The following INTS7 variants were observed in gnomAD, a reference collection of about 807,000 sequenced individuals.
INTS7 encodes integrator complex subunit 7.
In INTS7, 46 loss-of-function variants were observed where a neutral mutation model predicts 109.2. That is an observed-to-expected ratio of 0.42 (90% CI 0.33 to 0.54). The LOEUF is 0.54. Ranked by LOEUF, INTS7 falls within the 20% of genes least tolerant of loss-of-function variation. The probability of loss-of-function intolerance (pLI) is 0.07; values close to 1 mark genes in which losing one functional copy is unlikely to be tolerated. For synonymous variants in INTS7, 412 were observed against 402.9 expected, an observed-to-expected ratio of 1.02 and a Z score of -0.27; for missense variants, 929 against 1,132.4, an observed-to-expected ratio of 0.82 and a Z score of 2.58.
At chr1:211,985,645 CA>C (rs1271195922) in intron 8 of INTS7, among the ~76,000 whole-genome samples, 1 of 152,064 alleles carries the variant, frequency 6.6e-6, no homozygotes, top group Non-Finnish European at 1.5e-5. Context: ...CAGTTTGGTA[CA>C]AAAAAGAGAA....
intron 7 of INTS7, among the ~76,000 whole-genome samples, chr1:211,992,022 C>T (rs1665169134): frequency 6.6e-6 from 1 of 152,120 alleles, no homozygotes; most frequent in Non-Finnish European, 1.5e-5. Flanking sequence ...GATATAGATG[C>T]TGTTTTTGAA....
chr1:211,997,936 T>C (rs72748600), intron 7 of INTS7, among the ~76,000 whole-genome samples: 3,754 of 152,040 alleles, frequency 0.025, 68 homozygotes, highest in Non-Finnish European at 0.036. Flanking sequence ...AATTGATCTT[T>C]AGATGTAAAG....
intron 4 of INTS7, 91 bp downstream of exon 4, chr1:212,016,795 C>A: frequency 1.0e-6 from 1 of 970,046 alleles, no homozygotes; most frequent in South Asian, 1.6e-5. Flanking sequence ...TCCTGTATCT[C>A]TCAGTGTTTA....
rs975528599 is a variant in INTS7, at chr1:212,035,504, T to C, written c.-67A>G. On this transcript the variant is annotated 5_prime_UTR_variant, in exon 1 of 20. Transcript: ENST00000366994. ...AAACTCTACCCCAGGACCGCCATCT[T>C]CCCCCGCCGCCTTCTTGCTGGTTTT... is the stretch of plus-strand genomic sequence containing the variant. The C allele has an allele frequency of 8.5e-7, 1 of 1,173,160 alleles. No individual in the cohort carries two copies. Among genetic ancestry groups the C allele is most frequent in the Non-Finnish European group, 1.3e-6 (1 of 780,262 alleles). 72.7% of individuals were successfully genotyped at this position (1,173,160 alleles called of 1,614,324 possible). A position where few individuals can be genotyped will look rare whatever the true frequency, so the allele number is the denominator to read the frequency against.
At chr1:211,955,859 A>G (rs1397029411) in intron 16 of INTS7, among the ~76,000 whole-genome samples, 2 of 152,222 alleles carry the variant, frequency 1.3e-5, no homozygotes, top group Non-Finnish European at 2.9e-5. Context: ...CTGGGCTCCA[A>G]AGTTCTGTTT....
intron 8 of INTS7, among the ~76,000 whole-genome samples, chr1:211,983,774 A>C (rs1378366325): frequency 1.3e-5 from 2 of 152,298 alleles, no homozygotes; most frequent in East Asian, 3.9e-4. Context: ...ACCTATGGTC[A>C]CTTTGTTGAT....
At chr1:212,008,264 C>T (rs1666024225) in intron 5 of INTS7, among the ~76,000 whole-genome samples, 1 of 152,128 alleles carries the variant, frequency 6.6e-6, no homozygotes, top group South Asian at 2.1e-4. Context: ...TCCCTGCTTT[C>T]CTCTCTGCAG....
chr1:211,968,630 G>T lies in INTS7; in HGVS notation c.1893C>A (p.Phe631Leu). 1 of 1,613,430 alleles carries T rather than the reference G, an allele frequency of 6.2e-7. No individual in the cohort carries two copies. The highest frequency in any genetic ancestry group is 8.5e-7 in the Non-Finnish European group (1 of 1,179,858). Residue 631 changes from phenylalanine (F) to leucine (L), a missense_variant, in exon 14 of 20, where the codon TTC becomes TTA. Transcript: ENST00000366994. ...VKLRIDLLQA[F>L]SQLICTCNSL... ...TATTACAAGTACAGATAAGTTGAGA[G>T]AAGGCTTGTAAAAGGTCAATCCTGA...
chr1:211,971,915 C>CAA (rs745814699), intron 13 of INTS7, among the ~76,000 whole-genome samples: 85 of 79,664 alleles, frequency 1.1e-3, no homozygotes, highest in African/African-American at 2.1e-3. Flanking sequence ...AACTCAGTCT[C>CAA]AAAAAAAAAA....
intron 1 of INTS7, among the ~76,000 whole-genome samples, chr1:212,024,172 T>A (rs1666822559): frequency 1.3e-5 from 2 of 152,196 alleles, no homozygotes; most frequent in African/African-American, 4.8e-5. Flanking sequence ...TTGCTTAGGA[T>A]TGGTTTGGCT....
At chr1:212,008,445 T>C (rs1020406520) in intron 5 of INTS7, among the ~76,000 whole-genome samples, 8 of 152,184 alleles carry the variant, frequency 5.3e-5, no homozygotes, top group African/African-American at 1.9e-4. Flanking sequence ...TGTAGTCTCC[T>C]TGTCTGTCTA....
At chr1:211,986,104 G>C (rs1391598524) in intron 8 of INTS7, among the ~76,000 whole-genome samples, 1 of 152,172 alleles carries the variant, frequency 6.6e-6, no homozygotes, top group Non-Finnish European at 1.5e-5. Flanking sequence ...AAATGCTTTT[G>C]TGTTGGTGGC....
intron 5 of INTS7, among the ~76,000 whole-genome samples, chr1:212,008,914 T>C (rs1666050225): frequency 6.6e-6 from 1 of 152,188 alleles, no homozygotes; most frequent in Admixed American, 6.5e-5. Flanking sequence ...TACCATCTCT[T>C]GACTAAATTA....
chr1:212,015,915 A>G (rs1217786564), intron 4 of INTS7, among the ~76,000 whole-genome samples: 1 of 151,990 alleles, frequency 6.6e-6, no homozygotes, highest in Admixed American at 6.5e-5. Flanking sequence ...TATTGCATAA[A>G]TACAAATATT....
At position 211,952,585 on chromosome 1, in the gene INTS7, G is replaced by T; in HGVS notation, c.2300C>A (p.Thr767Asn). Residue 767 changes from threonine (T) to asparagine (N), a missense_variant, in exon 17 of 20, where the codon ACC (threonine) becomes AAC (asparagine). This residue lies in a region of INTS7 where 787 missense variants were observed against 901.1 expected (regional missense o/e 0.87). Transcript: ENST00000366994. The part of the protein sequence containing the change: ...EEVESLNRKY[T>N]PVSYMHTACL... Reference sequence around the variant, plus strand: ...GCCACTTGCCATATAAGAAACAGGGGTATATTTCCGATTGAGTGATTCTAC... The same window carrying T: ...GCCACTTGCCATATAAGAAACAGGGTTATATTTCCGATTGAGTGATTCTAC... 6.2e-7 allele frequency: 1 copy of T among 1,612,584 alleles called. No homozygotes were observed. Among genetic ancestry groups the T allele is most frequent in the Non-Finnish European group, 8.5e-7 (1 of 1,179,474 alleles).
At chr1:211,953,691 A>G in intron 16 of INTS7, among the ~76,000 whole-genome samples, 1 of 149,946 alleles carries the variant, frequency 6.7e-6, no homozygotes, top group South Asian at 2.1e-4. Flanking sequence ...GAGAATGATG[A>G]TTTCCAGTTT....
intron 16 of INTS7, among the ~76,000 whole-genome samples, chr1:211,957,727 AT>A (rs1663433706): frequency 1.3e-5 from 2 of 152,122 alleles, no homozygotes. Flanking sequence ...AATTCAGCAA[AT>A]TTTTCTCTTA....
chr1:212,009,577 C>A (rs1003140043), intron 5 of INTS7, among the ~76,000 whole-genome samples: 2 of 152,176 alleles, frequency 1.3e-5, no homozygotes, highest in African/African-American at 4.8e-5. Flanking sequence ...TTTCTAGTAA[C>A]CTCTCTTTAA....
chr1:212,030,219 A>C (rs1021975631), intron 1 of INTS7, among the ~76,000 whole-genome samples: 6 of 152,020 alleles, frequency 3.9e-5, no homozygotes, highest in Non-Finnish European at 5.9e-5. Context: ...GGAATTACCA[A>C]CCAGGCTGCT....
Sources: gnomAD v4.1 joint callset for allele counts (sites outside exome capture counted in the v4.1 genomes callset) on GRCh38, gnomAD v4.1.1 for gene constraint, gnomAD v4.1.1 regional missense constraint, MANE v1.5 for transcripts, NCBI Gene and HGNC (gene_info 2026-07-23, HGNC 2026-07-21) for gene names.